FYN: variants seen among roughly 807,000 people sequenced by gnomAD.
FYN encodes the protein FYN proto-oncogene, Src family tyrosine kinase, also known as tyrosine-protein kinase Fyn.
In FYN, 10 loss-of-function variants were observed where a neutral mutation model predicts 70.2. The observed-to-expected ratio is 0.14, with a 90% CI of 0.09 to 0.24. FYN has a LOEUF of 0.24. FYN is among the 10% of genes least tolerant of loss of function. The pLI is 1.00. For synonymous variants in FYN, 236 were observed against 248.6 expected (o/e 0.95, Z 0.48); for missense variants, 319 against 673.1 (o/e 0.47, Z 5.82).
intron 3 of FYN, among the ~76,000 whole-genome samples, chr6:111,758,141 C>A (rs768585410): frequency 1.6e-4 from 25 of 152,092 alleles, no homozygotes; most frequent in Non-Finnish European, 2.5e-4. Context: ...AGATAGTAGA[C>A]TGATTTTCTG....
chr6:111,766,079 A>G (rs1304702760), intron 3 of FYN, among the ~76,000 whole-genome samples: 1 of 152,220 alleles, frequency 6.6e-6, no homozygotes, highest in African/African-American at 2.4e-5. Context: ...ATGTGTAAAA[A>G]GGGAAAAGTG....
intron 1 of FYN, among the ~76,000 whole-genome samples, chr6:111,872,435 G>A (rs1214376433): frequency 6.6e-6 from 1 of 151,238 alleles, no homozygotes; most frequent in African/African-American, 2.4e-5. Context: ...GAGTGAAGGG[G>A]AGGATGGGGG....
At chr6:111,796,768 G>A (rs1001852540) in intron 2 of FYN, among the ~76,000 whole-genome samples, 17 of 152,330 alleles carry the variant, frequency 1.1e-4, no homozygotes, top group African/African-American at 2.6e-4. Flanking sequence ...AAATCCCCTC[G>A]TGGGTAAGGG....
At chr6:111,862,143 T>C (rs1390519492) in intron 1 of FYN, among the ~76,000 whole-genome samples, 2 of 152,212 alleles carry the variant, frequency 1.3e-5, no homozygotes, top group Non-Finnish European at 2.9e-5. Context: ...TATTACTGTA[T>C]TCCTCCAATT....
chr6:111,834,683 A>T (rs1773122469), intron 2 of FYN, among the ~76,000 whole-genome samples: 2 of 152,154 alleles, frequency 1.3e-5, no homozygotes, highest in African/African-American at 4.8e-5. Context: ...GAGTGCAGAC[A>T]CCTTTTGCTG....
intron 5 of FYN, 61 bp from the exon 6 acceptor site, chr6:111,708,081 C>T: frequency 8.0e-7 from 1 of 1,257,404 alleles, no homozygotes; most frequent in Admixed American, 1.7e-5. Context: ...GTTAGAGACT[C>T]ACTGTGGTCT....
At chr6:111,781,356 T>TA (rs1002880707) in intron 2 of FYN, among the ~76,000 whole-genome samples, 8 of 152,168 alleles carry the variant, frequency 5.3e-5, no homozygotes, top group African/African-American at 1.9e-4. Context: ...TTCTCATCGT[T>TA]ACACTCCATC....
chr6:111,739,040 A>T (rs1801828874), intron 3 of FYN, among the ~76,000 whole-genome samples: 1 of 152,164 alleles, frequency 6.6e-6, no homozygotes. Context: ...CCCTACATGA[A>T]GCCGAATGCC....
chr6:111,672,494 C>T lies in FYN; in HGVS notation c.1405+2005G>A, dbSNP rs539616713. Among the ~76,000 whole-genome samples the T allele has an allele frequency of 2.0e-5, 3 of 152,332 alleles. No homozygotes were observed. In the South Asian group the frequency reaches 6.2e-4, roughly 32 times the overall value. On this transcript the variant is annotated intron_variant, in intron 13 of 13. Coordinates refer to ENST00000354650, the MANE Select transcript of FYN (RefSeq NM_002037.5). The stretch of plus-strand genomic sequence containing the variant: ...GGATACCTGGATCAGGTGTCCCTGA[C>T]CCCATTATCAGAATGAAGATCTAGG...
intron 2 of FYN, among the ~76,000 whole-genome samples, chr6:111,782,085 C>T (rs1015509589): frequency 6.6e-6 from 1 of 152,178 alleles, no homozygotes. Flanking sequence ...CATGCATGGA[C>T]CCAGCTTTCA....
chr6:111,675,879 TCAAA>T (rs1255346163), intron 12 of FYN, among the ~76,000 whole-genome samples: 1 of 151,968 alleles, frequency 6.6e-6, no homozygotes, highest in African/African-American at 2.4e-5. Flanking sequence ...GCTTGTGCTC[TCAAA>T]CATTCAGCTC....
intron 13 of FYN, among the ~76,000 whole-genome samples, chr6:111,673,416 G>A (rs1336123769): frequency 6.6e-6 from 1 of 152,066 alleles, no homozygotes; most frequent in Non-Finnish European, 1.5e-5. Flanking sequence ...GAGTCTCAAG[G>A]CTACACCAAC....
intron 2 of FYN, among the ~76,000 whole-genome samples, chr6:111,807,226 T>C (rs1772178398): frequency 6.6e-6 from 1 of 152,358 alleles, no homozygotes; most frequent in South Asian, 2.1e-4. Context: ...AGTTGTACTT[T>C]TGTAGCACAC....
chr6:111,762,626 T>C (rs1215864247), intron 3 of FYN, among the ~76,000 whole-genome samples: 1 of 152,176 alleles, frequency 6.6e-6, no homozygotes, highest in African/African-American at 2.4e-5. Flanking sequence ...CAAAGTATTT[T>C]ACCCTAACAT....
At chr6:111,738,781 G>A (rs1245291230) in intron 3 of FYN, among the ~76,000 whole-genome samples, 5 of 152,192 alleles carry the variant, frequency 3.3e-5, no homozygotes, top group Non-Finnish European at 2.9e-5. Context: ...TCTAGGTGGG[G>A]CTTTAGAAGG....
intron 12 of FYN, among the ~76,000 whole-genome samples, chr6:111,683,754 A>G (rs1798873636): frequency 6.6e-6 from 1 of 152,206 alleles, no homozygotes; most frequent in African/African-American, 2.4e-5. Context: ...AAACAATGCC[A>G]ATAACAGAAA....
At position 111,780,347 on chromosome 6, in the gene FYN, C is replaced by T. The variant is rs150253690; in HGVS notation, c.-12+219G>A. Among the ~76,000 whole-genome samples, 160 of 152,316 alleles carry T rather than the reference C, an allele frequency of 1.1e-3. 1 individual carries two copies. The highest frequency in any genetic ancestry group is 1.7e-3 in the Non-Finnish European group (114 of 68,028). ...AACTTTTCTAAATATACACTTATTA[C>T]GTTTTAGAAAACCCCATATTGCTTA... On this transcript the variant is annotated intron_variant, in intron 3 of 13. Coordinates refer to ENST00000354650, the MANE Select transcript of FYN (RefSeq NM_002037.5).
At position 111,703,030 on chromosome 6, in the gene FYN, G is replaced by A. The variant is rs146187358; in HGVS notation, c.552C>T (p.Ala184=). The change falls in exon 8 of 14, where the codon GCC becomes GCT. Residue 184 remains alanine, a synonymous_variant. Coordinates refer to ENST00000354650, the MANE Select transcript of FYN (RefSeq NM_002037.5). The stretch of plus-strand genomic sequence containing the variant: ...CCCAATCACGGATAGAAAGTGAATA[G>A]GCACCTGGTAAACGTGGAAAGCATT... ...LIRESETTKG[A]YSLSIRDWDD... The A allele has an allele frequency of 8.1e-6, 13 of 1,613,540 alleles. No homozygotes were observed. In the African/African-American group the frequency reaches 1.7e-4, roughly 22 times the overall value.
At chr6:111,663,132 C>T (rs1219336631) in intron 13 of FYN, among the ~76,000 whole-genome samples, 1 of 152,352 alleles carries the variant, frequency 6.6e-6, no homozygotes, top group Non-Finnish European at 1.5e-5. Flanking sequence ...GCCAGCTCCC[C>T]GTCAAGCTGT....
Sources: gnomAD v4.1 joint callset for allele counts (sites outside exome capture counted in the v4.1 genomes callset) on GRCh38, gnomAD v4.1.1 for gene constraint, MANE v1.5 for transcripts, NCBI Gene and HGNC (gene_info 2026-07-23, HGNC 2026-07-21) for gene names.